The following CHCHD3 variants were observed in gnomAD, a reference collection of about 807,000 sequenced individuals.
CHCHD3 encodes MICOS complex subunit MIC19.
In CHCHD3, 20 loss-of-function variants were observed where a neutral mutation model predicts 38.2. The ratio of observed to expected loss-of-function variants is 0.52; its 90% CI spans 0.37 to 0.76. The LOEUF is 0.76. CHCHD3 is among the 30% of genes least tolerant of loss of function. CHCHD3 has a pLI of 0.00. For synonymous variants in CHCHD3, 82 were observed against 100.0 expected, an observed-to-expected ratio of 0.82 and a Z score of 1.07; for missense variants, 245 against 279.2, an observed-to-expected ratio of 0.88 and a Z score of 0.87.
intron 2 of CHCHD3, among the ~76,000 whole-genome samples, chr7:133,031,578 A>T (rs915027775): frequency 6.6e-6 from 1 of 152,094 alleles, no homozygotes; most frequent in African/African-American, 2.4e-5. Context: ...TAAGTTGCTT[A>T]ATAAAAGTTA....
At chr7:132,948,340 C>T (rs901619377) in intron 4 of CHCHD3, among the ~76,000 whole-genome samples, 1 of 151,858 alleles carries the variant, frequency 6.6e-6, no homozygotes, top group African/African-American at 2.4e-5. Flanking sequence ...CTTTTTCATG[C>T]AACTCTTGAT....
intron 6 of CHCHD3, among the ~76,000 whole-genome samples, chr7:132,807,606 AATATATATATAT>A (rs55835343): frequency 0.039 from 4,198 of 108,908 alleles, 175 homozygotes; most frequent in African/African-American, 0.094. Context: ...CATACACATA[AATATATATATAT>A]ATATATATAT....
chr7:132,945,289 TAATTA>T (rs1365322631), intron 4 of CHCHD3, among the ~76,000 whole-genome samples: 2 of 151,944 alleles, frequency 1.3e-5, no homozygotes, highest in Non-Finnish European at 2.9e-5. Flanking sequence ...TTAAAACAAT[TAATTA>T]AATAAATGTG....
chr7:133,080,115 C>G (rs1815127491), intron 1 of CHCHD3, among the ~76,000 whole-genome samples: 1 of 152,028 alleles, frequency 6.6e-6, no homozygotes, highest in East Asian at 1.9e-4. Flanking sequence ...CAAGGGCATT[C>G]CAGGTGAAGG....
intron 4 of CHCHD3, among the ~76,000 whole-genome samples, chr7:132,889,824 G>A (rs1809316049): frequency 6.6e-6 from 1 of 152,134 alleles, no homozygotes; most frequent in Admixed American, 6.5e-5. Context: ...TGCTGAGGAT[G>A]GAGAGTCACA....
intron 5 of CHCHD3, among the ~76,000 whole-genome samples, chr7:132,883,465 T>G (rs1809122625): frequency 6.6e-6 from 1 of 152,254 alleles, no homozygotes; most frequent in Admixed American, 6.5e-5. Context: ...CAGAGCCTTG[T>G]GCTCTAAATC....
At chr7:132,925,710 G>T (rs1039335583) in intron 4 of CHCHD3, among the ~76,000 whole-genome samples, 3 of 152,150 alleles carry the variant, frequency 2.0e-5, no homozygotes, top group African/African-American at 7.2e-5. Context: ...ATATATCCCA[G>T]CTAGAAAAAG....
At position 133,024,532 on chromosome 7, in the gene CHCHD3, A is replaced by G; in HGVS notation, c.251+14T>C. The G allele has an allele frequency of 6.3e-7, 1 of 1,594,776 alleles. No individual in the cohort carries two copies. Among genetic ancestry groups the G allele is most frequent in the Non-Finnish European group, 8.6e-7 (1 of 1,162,958 alleles). ...AAACCCACCAAAACCTCTCTCTGATACCACAAAACTCACCGTTTCTGATCT... is the reference window on the plus strand; with the variant it reads ...AAACCCACCAAAACCTCTCTCTGATGCCACAAAACTCACCGTTTCTGATCT... On this transcript the variant is annotated intron_variant, in intron 3 of 7. Coordinates refer to ENST00000262570, the MANE Select transcript of CHCHD3 (RefSeq NM_017812.4).
At chr7:133,067,607 G>A (rs1478852359) in intron 2 of CHCHD3, among the ~76,000 whole-genome samples, 2 of 152,160 alleles carry the variant, frequency 1.3e-5, no homozygotes, top group Admixed American at 6.5e-5. Context: ...TGCAAGACCC[G>A]AGTGACTGGA....
At chr7:133,023,977 A>G (rs1464983126) in intron 3 of CHCHD3, among the ~76,000 whole-genome samples, 1 of 152,224 alleles carries the variant, frequency 6.6e-6, no homozygotes, top group Non-Finnish European at 1.5e-5. Flanking sequence ...GGCAACAATC[A>G]GATGGAAGTG....
intron 2 of CHCHD3, chr7:133,034,763 C>A (rs1317048185): frequency 6.2e-7 from 1 of 1,613,634 alleles, no homozygotes. Context: ...AATCTGGACT[C>A]AGCGGAAAGG....
At chr7:132,968,876 T>C (rs1397148072) in intron 4 of CHCHD3, among the ~76,000 whole-genome samples, 4 of 152,246 alleles carry the variant, frequency 2.6e-5, no homozygotes, top group African/African-American at 7.2e-5. Context: ...GTAGTGTTCT[T>C]ATCTGCTTCC....
intron 7 of CHCHD3, 28 bp downstream of exon 7, chr7:132,796,414 C>G: frequency 1.2e-6 from 2 of 1,611,042 alleles, no homozygotes; most frequent in Non-Finnish European, 1.7e-6. Context: ...TTGCCCAGTG[C>G]CCCCAGTGGC....
intron 2 of CHCHD3, among the ~76,000 whole-genome samples, chr7:133,042,498 T>A (rs1813861312): frequency 6.6e-6 from 1 of 152,188 alleles, no homozygotes; most frequent in East Asian, 1.9e-4. Context: ...GCATCCCTGC[T>A]AGGTTACACT....
At chr7:132,933,426 G>T (rs184053276) in intron 4 of CHCHD3, among the ~76,000 whole-genome samples, 1 of 152,224 alleles carries the variant, frequency 6.6e-6, no homozygotes, top group Admixed American at 6.5e-5. Context: ...TTATCATAAG[G>T]CTCTTCTAAA....
chr7:133,020,249 A>G (rs1813143303), intron 3 of CHCHD3, among the ~76,000 whole-genome samples: 1 of 152,208 alleles, frequency 6.6e-6, no homozygotes. Context: ...GAAAATATAT[A>G]TAGTCATCAT....
chr7:133,067,855 G>A (rs1452903855), intron 2 of CHCHD3, among the ~76,000 whole-genome samples: 2 of 152,162 alleles, frequency 1.3e-5, no homozygotes, highest in Non-Finnish European at 2.9e-5. Flanking sequence ...GGTGGCTCAC[G>A]CCTGTAATCC....
chr7:132,886,219 G>A (rs1452101402), intron 4 of CHCHD3, among the ~76,000 whole-genome samples: 1 of 151,798 alleles, frequency 6.6e-6, no homozygotes, highest in African/African-American at 2.4e-5. Context: ...TTCCCTTTAT[G>A]TAAAGAATTA....
intron 3 of CHCHD3, among the ~76,000 whole-genome samples, chr7:132,979,344 G>A (rs552726252): frequency 4.6e-5 from 7 of 152,044 alleles, no homozygotes; most frequent in African/African-American, 1.2e-4. Flanking sequence ...ACTACACACT[G>A]GAATTCATAA....
Sources: allele counts gnomAD v4.1 joint callset (sites outside exome capture counted in the v4.1 genomes callset), GRCh38; gene constraint gnomAD v4.1.1; transcripts MANE v1.5; gene names NCBI Gene and HGNC (gene_info 2026-07-23, HGNC 2026-07-21).